DNAH5: variants seen among roughly 807,000 people sequenced by gnomAD.
DNAH5 encodes dynein axonemal heavy chain 5, also known as axonemal beta dynein heavy chain 5.
A neutral mutation model predicts 518.2 loss-of-function variants in DNAH5; 372 were observed. The observed-to-expected ratio is 0.72, with a 90% CI of 0.66 to 0.78. DNAH5 has a LOEUF of 0.78. DNAH5 is among the 30% of genes least tolerant of loss of function. The probability of loss-of-function intolerance (pLI) is 0.00; values close to 1 mark genes in which losing one functional copy is unlikely to be tolerated. For synonymous variants in DNAH5, 2,039 were observed against 2,025.9 expected (o/e 1.01, Z -0.17); for missense variants, 5,523 against 5,687.0 (o/e 0.97, Z 0.93).
At chr5:13,949,763 A>G (rs1160554707) in intron 1 of DNAH5, among the ~76,000 whole-genome samples, 1 of 152,236 alleles carries the variant, frequency 6.6e-6, no homozygotes, top group Non-Finnish European at 1.5e-5. Flanking sequence ...TAACGGAGGG[A>G]TACATTAAAG....
chr5:13,755,115 C>CA (rs1002798243), intron 61 of DNAH5, among the ~76,000 whole-genome samples: 2 of 151,758 alleles, frequency 1.3e-5, no homozygotes, highest in African/African-American at 2.4e-5. Flanking sequence ...CAAATCCGCT[C>CA]AAAAAAACAC....
Position 13,839,873 on chromosome 5 carries a change from T to G in DNAH5, c.5710-345A>C, listed in dbSNP as rs906705563. The stretch of plus-strand genomic sequence containing the variant: ...CATGAAATATAATCTATGAAAAGCA[T>G]GTTTTGACACACAAAGACAGCAATA... On this transcript the variant is annotated intron_variant, in intron 34 of 78. Coordinates refer to ENST00000265104, the MANE Select transcript of DNAH5 (RefSeq NM_001369.3). Among the ~76,000 whole-genome samples the G allele has an allele frequency of 2.0e-5, 3 of 152,220 alleles. 1 individual carries two copies. The highest frequency in any genetic ancestry group is 4.4e-5 in the Non-Finnish European group (3 of 68,030).
intron 30 of DNAH5, among the ~76,000 whole-genome samples, chr5:13,853,043 A>G (rs1389640238): frequency 2.0e-5 from 3 of 152,254 alleles, no homozygotes; most frequent in African/African-American, 7.2e-5. Flanking sequence ...TGCCTCCTCA[A>G]GTGGGTCCCT....
chr5:13,958,474 TTTTCTTTC>T, intron 1 of DNAH5, among the ~76,000 whole-genome samples: 1 of 152,286 alleles, frequency 6.6e-6, no homozygotes, highest in African/African-American at 2.4e-5. Context: ...CTTCTGATAA[TTTTCTTTC>T]CATTGATTTT....
At chr5:13,892,317 C>T (rs574616650) in intron 16 of DNAH5, among the ~76,000 whole-genome samples, 2 of 152,298 alleles carry the variant, frequency 1.3e-5, no homozygotes, top group South Asian at 2.1e-4. Flanking sequence ...TGTCCACATC[C>T]TAATCTCCTG....
intron 61 of DNAH5, 147 bp downstream of exon 61, chr5:13,758,699 T>C: frequency 8.6e-7 from 1 of 1,159,128 alleles, no homozygotes. Flanking sequence ...CTGACCATCC[T>C]GTTGTCTCAT....
At chr5:13,717,877 A>G (rs1454735756) in intron 72 of DNAH5, among the ~76,000 whole-genome samples, 1 of 152,176 alleles carries the variant, frequency 6.6e-6, no homozygotes, top group Non-Finnish European at 1.5e-5. Context: ...TGTTGTTTTG[A>G]GCATATACTT....
intron 12 of DNAH5, among the ~76,000 whole-genome samples, chr5:13,902,673 G>T (rs540121509): frequency 6.6e-6 from 1 of 152,196 alleles, no homozygotes; most frequent in Non-Finnish European, 1.5e-5. Context: ...AAACAAATGG[G>T]CAGGGCACTG....
intron 1 of DNAH5, among the ~76,000 whole-genome samples, chr5:13,981,834 T>C (rs1235158905): frequency 6.6e-6 from 1 of 152,222 alleles, no homozygotes; most frequent in African/African-American, 2.4e-5. Context: ...ACAGTTTAGA[T>C]GTACCCAAGG....
At chr5:13,696,170 C>G (rs546291632) in intron 78 of DNAH5, among the ~76,000 whole-genome samples, 166 of 152,292 alleles carry the variant, frequency 1.1e-3, no homozygotes, top group Non-Finnish European at 1.4e-3. Flanking sequence ...TGCTTAGTGA[C>G]CAGAGGTATG....
intron 9 of DNAH5, 86 bp from the exon 10 acceptor site, chr5:13,914,728 T>A: frequency 7.5e-7 from 1 of 1,338,974 alleles, no homozygotes; most frequent in Non-Finnish European, 1.1e-6. Context: ...CTCTTCTACT[T>A]CTCAGAGTTC....
intron 47 of DNAH5, among the ~76,000 whole-genome samples, chr5:13,804,563 A>T (rs1759277037): frequency 6.6e-6 from 1 of 152,218 alleles, no homozygotes; most frequent in Non-Finnish European, 1.5e-5. Context: ...GCTTTCTAAA[A>T]CTAATGAGTC....
chr5:13,773,821 G>C (rs554231445), intron 55 of DNAH5, among the ~76,000 whole-genome samples: 1 of 152,194 alleles, frequency 6.6e-6, no homozygotes, highest in Non-Finnish European at 1.5e-5. Context: ...AGATTTTCCT[G>C]AAGAGATGAC....
chr5:13,989,320 C>T (rs1783324070), intron 1 of DNAH5, among the ~76,000 whole-genome samples: 1 of 150,626 alleles, frequency 6.6e-6, no homozygotes, highest in Non-Finnish European at 1.5e-5. Context: ...TCTATGCAGC[C>T]ATAAAAATGG....
At chr5:13,877,848 C>T (rs545959872) in intron 21 of DNAH5, among the ~76,000 whole-genome samples, 1 of 152,164 alleles carries the variant, frequency 6.6e-6, no homozygotes, top group East Asian at 1.9e-4. Flanking sequence ...TCTCTCTGGA[C>T]CACAAGAAAA....
At chr5:13,978,460 C>G (rs1782435174) in intron 1 of DNAH5, among the ~76,000 whole-genome samples, 1 of 152,202 alleles carries the variant, frequency 6.6e-6, no homozygotes, top group Admixed American at 6.5e-5. Context: ...CAGGCTGCAA[C>G]ATCTGCTCTC....
chr5:13,802,761 A>C (rs1315641063), intron 47 of DNAH5, among the ~76,000 whole-genome samples: 1 of 152,198 alleles, frequency 6.6e-6, no homozygotes, highest in Non-Finnish European at 1.5e-5. Flanking sequence ...CACGACCTGC[A>C]AGGTCTTACA....
rs1773680721 is a variant in DNAH5 at position 13,894,646 on chromosome 5, T to A, written c.2431+4A>T. 6.2e-7 allele frequency: 1 copy of A among 1,613,794 alleles called. No individual in the cohort carries two copies. Among genetic ancestry groups the A allele is most frequent in the African/African-American group, 1.3e-5 (1 of 74,940 alleles). On this transcript the variant is annotated splice_donor_region_variant and intron_variant, in intron 16 of 78. Coordinates refer to ENST00000265104, the MANE Select transcript of DNAH5 (RefSeq NM_001369.3). ...AGAAATACTAATTATTCAGGCAGAC[T>A]TACTGATCTTTGCAAAAGTGTTTTC...
intron 23 of DNAH5, 99 bp from the exon 24 acceptor site, chr5:13,871,101 T>C: frequency 2.4e-6 from 2 of 839,882 alleles, no homozygotes; most frequent in Middle Eastern, 2.3e-4. Flanking sequence ...TTTTATAGCT[T>C]ATTGCCCTCT....
Sources: allele counts gnomAD v4.1 joint callset (sites outside exome capture counted in the v4.1 genomes callset), GRCh38; gene constraint gnomAD v4.1.1; transcripts MANE v1.5; gene names NCBI Gene and HGNC (gene_info 2026-07-23, HGNC 2026-07-21).